Variants in MARCHF1 observed in about 807,000 individuals in gnomAD.
MARCHF1 encodes E3 ubiquitin-protein ligase MARCHF1.
A neutral mutation model predicts 54.2 loss-of-function variants in MARCHF1; 40 were observed. That is an observed-to-expected ratio of 0.74 (90% CI 0.57 to 0.96). MARCHF1 has a LOEUF of 0.96. Among genes scored for constraint, MARCHF1 ranks in the 40% least tolerant of loss-of-function variants. The probability of loss-of-function intolerance (pLI) is 0.00; values close to 1 mark genes in which losing one functional copy is unlikely to be tolerated. For synonymous variants in MARCHF1, 236 were observed against 236.3 expected, an observed-to-expected ratio of 1.00 and a Z score of 0.01; for missense variants, 586 against 656.5, an observed-to-expected ratio of 0.89 and a Z score of 1.17.
At chr4:164,314,879 T>C (rs2111441972) in intron 1 of MARCHF1, among the ~76,000 whole-genome samples, 1 of 152,304 alleles carries the variant, frequency 6.6e-6, no homozygotes, top group Admixed American at 6.5e-5. Context: ...CCAGGTCCTA[T>C]TCTTCTTGTT....
intron 1 of MARCHF1, among the ~76,000 whole-genome samples, chr4:164,271,108 G>A (rs902147469): frequency 1.2e-4 from 19 of 152,132 alleles, no homozygotes; most frequent in Admixed American, 9.8e-4. Context: ...GTAAATAGAT[G>A]GACAATGTAA....
intron 9 of MARCHF1, among the ~76,000 whole-genome samples, chr4:163,542,352 A>T (rs925301518): frequency 6.6e-6 from 1 of 152,118 alleles, no homozygotes; most frequent in Non-Finnish European, 1.5e-5. Flanking sequence ...CACCGGGGAG[A>T]TGTAGTGGTG....
intron 5 of MARCHF1, among the ~76,000 whole-genome samples, chr4:163,651,519 A>C (rs1221869601): frequency 3.2e-5 from 4 of 124,282 alleles, no homozygotes; most frequent in Non-Finnish European, 1.6e-5. Context: ...TCTTTCAAGT[A>C]CCATACTTTT....
chr4:164,239,151 A>C (rs1001205688), intron 1 of MARCHF1, among the ~76,000 whole-genome samples: 5 of 152,094 alleles, frequency 3.3e-5, no homozygotes, highest in Non-Finnish European at 7.4e-5. Context: ...ATATATACAT[A>C]AAGTAAATCT....
chr4:164,009,336 C>G (rs1158986131), intron 2 of MARCHF1, among the ~76,000 whole-genome samples: 1 of 152,068 alleles, frequency 6.6e-6, no homozygotes, highest in Non-Finnish European at 1.5e-5. Flanking sequence ...AGTCCAGGAC[C>G]TGATAAGTTC....
At chr4:163,666,890 G>C (rs575318105) in intron 5 of MARCHF1, among the ~76,000 whole-genome samples, 2 of 152,180 alleles carry the variant, frequency 1.3e-5, no homozygotes, top group South Asian at 2.1e-4. Context: ...TGATGTTCTT[G>C]TGTTATGCGT....
intron 3 of MARCHF1, among the ~76,000 whole-genome samples, chr4:163,947,746 G>A (rs553904531): frequency 1.2e-4 from 19 of 152,328 alleles, no homozygotes; most frequent in African/African-American, 2.9e-4. Flanking sequence ...TAGGAAACTA[G>A]TAGCGTAGCT....
At chr4:163,787,178 CT>C (rs1391226982) in intron 4 of MARCHF1, among the ~76,000 whole-genome samples, 1 of 151,582 alleles carries the variant, frequency 6.6e-6, no homozygotes, top group Non-Finnish European at 1.5e-5. Context: ...GCAATGATTT[CT>C]TGAATATAAC....
chr4:163,837,452 T>G (rs1579327679), intron 4 of MARCHF1, among the ~76,000 whole-genome samples: 1 of 152,140 alleles, frequency 6.6e-6, no homozygotes, highest in East Asian at 1.9e-4. Flanking sequence ...AGACACAACT[T>G]AAATATAATG....
At chr4:163,793,763 G>A (rs1458610102) in intron 4 of MARCHF1, among the ~76,000 whole-genome samples, 2 of 152,126 alleles carry the variant, frequency 1.3e-5, no homozygotes, top group African/African-American at 4.8e-5. Flanking sequence ...GTCCTGTTCT[G>A]TTCTGTTCTA....
chr4:163,954,819 G>GTA (rs1375444623), intron 3 of MARCHF1, among the ~76,000 whole-genome samples: 1 of 152,116 alleles, frequency 6.6e-6, no homozygotes, highest in Non-Finnish European at 1.5e-5. Flanking sequence ...ACAAAACCAA[G>GTA]TAGCCATGCT....
At chr4:164,374,001 A>G (rs1225885470) in intron 1 of MARCHF1, among the ~76,000 whole-genome samples, 1 of 152,248 alleles carries the variant, frequency 6.6e-6, no homozygotes, top group Non-Finnish European at 1.5e-5. Context: ...ATTTAGTTCT[A>G]ATAGTTGATA....
At chr4:163,862,755 C>T (rs1012386293) in intron 3 of MARCHF1, among the ~76,000 whole-genome samples, 2 of 152,028 alleles carry the variant, frequency 1.3e-5, no homozygotes, top group Admixed American at 6.6e-5. Context: ...CTCATGAAAA[C>T]ATGCACACAT....
At chr4:164,273,359 C>T (rs189867794) in intron 1 of MARCHF1, among the ~76,000 whole-genome samples, 53 of 152,144 alleles carry the variant, frequency 3.5e-4, no homozygotes, top group African/African-American at 1.3e-3. Flanking sequence ...GGAAACTGCC[C>T]CCATGATTCA....
At chr4:164,383,669 G>A (rs985913381) in intron 1 of MARCHF1, 1 of 152,762 alleles carries the variant, frequency 6.5e-6, no homozygotes, top group Non-Finnish European at 1.5e-5. Flanking sequence ...CCGCCCGCAG[G>A]TTGGGTGGCA....
intron 1 of MARCHF1, among the ~76,000 whole-genome samples, chr4:164,171,220 T>C (rs1730517578): frequency 6.6e-6 from 1 of 152,172 alleles, no homozygotes; most frequent in Non-Finnish European, 1.5e-5. Flanking sequence ...ATTCCAATAA[T>C]TCCTTTTCAG....
intron 2 of MARCHF1, among the ~76,000 whole-genome samples, chr4:164,082,670 GA>G (rs1324777136): frequency 6.6e-6 from 1 of 152,022 alleles, no homozygotes; most frequent in Admixed American, 6.5e-5. Flanking sequence ...GTTGTTCAGA[GA>G]AATGGCAAAA....
intron 1 of MARCHF1, chr4:164,189,564 T>C (rs1560946080): frequency 1.1e-6 from 1 of 919,358 alleles, no homozygotes; most frequent in South Asian, 1.4e-5. Context: ...TAGTGCATGG[T>C]GCTGCTGTCC....
At chr4:164,248,910 C>A (rs1733042022) in intron 1 of MARCHF1, among the ~76,000 whole-genome samples, 1 of 151,760 alleles carries the variant, frequency 6.6e-6, no homozygotes, top group Admixed American at 6.6e-5. Flanking sequence ...TCACATAATT[C>A]ATAAATTATG....
Sources: allele counts gnomAD v4.1 joint callset (sites outside exome capture counted in the v4.1 genomes callset), GRCh38; gene constraint gnomAD v4.1.1; transcripts MANE v1.5; gene names NCBI Gene and HGNC (gene_info 2026-07-23, HGNC 2026-07-21).